Variants in STARD13 observed in about 807,000 individuals in gnomAD.
The protein encoded by STARD13 is stAR-related lipid transfer protein 13.
STARD13 carries 62 observed loss-of-function variants against 106.4 expected under a neutral mutation model. The ratio of observed to expected loss-of-function variants is 0.58; its 90% confidence interval spans 0.48 to 0.72. STARD13 has a LOEUF of 0.72. STARD13 is among the 30% of genes least tolerant of loss of function. The pLI, the probability that STARD13 is intolerant of heterozygous loss-of-function variation, is 0.00. For synonymous variants in STARD13, 565 were observed against 553.0 expected, an observed-to-expected ratio of 1.02 and a Z score of -0.31; for missense variants, 1,387 against 1,424.0, an observed-to-expected ratio of 0.97 and a Z score of 0.42.
At chr13:33,324,360 C>A (rs1360571160) in intron 1 of STARD13, among the ~76,000 whole-genome samples, 1 of 152,150 alleles carries the variant, frequency 6.6e-6, no homozygotes, top group Non-Finnish European at 1.5e-5. Context: ...TCCTACATAA[C>A]AAAAGCTCCT....
intron 1 of STARD13, among the ~76,000 whole-genome samples, chr13:33,245,248 A>G (rs1365045186): frequency 6.6e-6 from 1 of 152,250 alleles, no homozygotes; most frequent in Non-Finnish European, 1.5e-5. Context: ...CTTGCTGGCA[A>G]ACTGAGGATA....
At chr13:33,325,214 C>T (rs564269867) in intron 1 of STARD13, among the ~76,000 whole-genome samples, 6 of 152,142 alleles carry the variant, frequency 3.9e-5, no homozygotes, top group Non-Finnish European at 5.9e-5. Flanking sequence ...ACACTACTTC[C>T]TACTGATGCT....
the STARD13 span, among the ~76,000 whole-genome samples, chr13:33,644,960 T>G: frequency 6.6e-6 from 1 of 152,204 alleles, no homozygotes; most frequent in Non-Finnish European, 1.5e-5. Context: ...CATGGAAATT[T>G]TCTTTCTGGG....
the STARD13 span, among the ~76,000 whole-genome samples, chr13:33,514,446 A>G: frequency 0.14 from 21,407 of 152,076 alleles, 2,350 homozygotes; most frequent in African/African-American, 0.3. Flanking sequence ...CTAGTTATCT[A>G]GTTACCAGTT....
chr13:33,400,544 C>A, the STARD13 span, among the ~76,000 whole-genome samples: 2 of 151,944 alleles, frequency 1.3e-5, no homozygotes, highest in African/African-American at 2.4e-5. Flanking sequence ...TCACTGTAAC[C>A]TCCACTCCCA....
At chr13:33,488,149 C>T in the STARD13 span, among the ~76,000 whole-genome samples, 7 of 152,134 alleles carry the variant, frequency 4.6e-5, no homozygotes, top group South Asian at 1.2e-3. Flanking sequence ...AGGTTCTGTC[C>T]TTAATCTTCC....
At chr13:33,635,864 C>G in the STARD13 span, among the ~76,000 whole-genome samples, 20,891 of 149,914 alleles carry the variant, frequency 0.14, 3,322 homozygotes, top group African/African-American at 0.37. Context: ...GGCACCTGTA[C>G]TCCCAGCTAC....
At chr13:33,617,823 C>T in the STARD13 span, among the ~76,000 whole-genome samples, 2 of 152,102 alleles carry the variant, frequency 1.3e-5, no homozygotes, top group African/African-American at 4.8e-5. Context: ...AGCTTGTCAC[C>T]TGGGAAGACA....
At chr13:33,212,253 G>T (rs139820644) in intron 1 of STARD13, among the ~76,000 whole-genome samples, 3 of 152,256 alleles carry the variant, frequency 2.0e-5, no homozygotes, top group South Asian at 2.1e-4. Context: ...AGATGGGTGA[G>T]TGAACCCGCA....
At chr13:33,593,976 G>A in the STARD13 span, among the ~76,000 whole-genome samples, 23 of 152,082 alleles carry the variant, frequency 1.5e-4, no homozygotes, top group African/African-American at 4.1e-4. Flanking sequence ...ACGCGATCTC[G>A]ACTCACTGCA....
At chr13:33,394,086 A>G in the STARD13 span, among the ~76,000 whole-genome samples, 2 of 152,206 alleles carry the variant, frequency 1.3e-5, no homozygotes, top group Non-Finnish European at 2.9e-5. Context: ...AGGCTGTAGA[A>G]CCTTTAAAAT....
the STARD13 span, among the ~76,000 whole-genome samples, chr13:33,371,886 TTC>T: frequency 6.6e-6 from 1 of 152,232 alleles, no homozygotes; most frequent in Non-Finnish European, 1.5e-5. Context: ...TGAAATTTAT[TTC>T]TGTTTGAATT....
chr13:33,319,490 A>G (rs1455916228), intron 1 of STARD13, among the ~76,000 whole-genome samples: 1 of 152,224 alleles, frequency 6.6e-6, no homozygotes, highest in Non-Finnish European at 1.5e-5. Context: ...AATATACTAA[A>G]AACTACTGAA....
At chr13:33,514,839 C>T in the STARD13 span, among the ~76,000 whole-genome samples, 4 of 152,078 alleles carry the variant, frequency 2.6e-5, no homozygotes, top group Admixed American at 1.3e-4. Flanking sequence ...TTTAGACATA[C>T]GTGGACCTCT....
At chr13:33,488,295 C>A in the STARD13 span, among the ~76,000 whole-genome samples, 1 of 152,188 alleles carries the variant, frequency 6.6e-6, no homozygotes, top group African/African-American at 2.4e-5. Context: ...TGCCTCAGCT[C>A]AAGAGTCCCC....
At chr13:33,287,150 A>G (rs1052251846), upstream of STARD13, among the ~76,000 whole-genome samples, 2 of 152,184 alleles carry the variant, frequency 1.3e-5, no homozygotes, top group Non-Finnish European at 2.9e-5. Flanking sequence ...ATAATGAGAA[A>G]TTATTTCTAC....
At chr13:33,278,535 A>C (rs1482444343) in intron 1 of STARD13, 2 of 152,120 alleles carry the variant, frequency 1.3e-5, no homozygotes, top group Non-Finnish European at 1.5e-5. Context: ...AATTCACAGC[A>C]GGCATGGTTG....
chr13:33,125,485 AG>A (rs1397175240), intron 7 of STARD13, among the ~76,000 whole-genome samples: 1 of 152,202 alleles, frequency 6.6e-6, no homozygotes, highest in Non-Finnish European at 1.5e-5. Flanking sequence ...TCTCGGAGGC[AG>A]CAAATCTCTG....
chr13:33,285,775 A>C, upstream of STARD13: 1 of 1,467,946 alleles, frequency 6.8e-7, no homozygotes. Flanking sequence ...GAGGAGTGCC[A>C]AAGCCACAAC....
Sources: allele counts gnomAD v4.1 joint callset (sites outside exome capture counted in the v4.1 genomes callset), GRCh38; gene constraint gnomAD v4.1.1; transcripts MANE v1.5; gene names NCBI Gene and HGNC (gene_info 2026-07-23, HGNC 2026-07-21).